Variants in LY96 observed in about 807,000 individuals in gnomAD.
LY96 encodes myeloid differentiation protein-2.
LY96 carries 18 observed loss-of-function variants against 18.9 expected under a neutral mutation model. That is an observed-to-expected ratio of 0.95 (90% CI 0.66 to 1.41). LY96 has a LOEUF of 1.41. Ranked by LOEUF, LY96 falls within the 40% of genes most tolerant of loss-of-function variation. LY96 has a pLI of 0.00. For synonymous variants in LY96, 66 were observed against 62.6 expected (o/e 1.06, Z -0.26); for missense variants, 175 against 182.4 (o/e 0.96, Z 0.23).
chr8:74,094,804 G>C, the LY96 span, among the ~76,000 whole-genome samples: 2 of 152,166 alleles, frequency 1.3e-5, no homozygotes, highest in African/African-American at 2.4e-5. Context: ...GGAATTTTAA[G>C]GCAGATTTTC....
intron 3 of LY96, among the ~76,000 whole-genome samples, chr8:74,026,465 A>G (rs1441238522): frequency 1.3e-5 from 2 of 152,170 alleles, no homozygotes; most frequent in African/African-American, 4.8e-5. Context: ...ATCTCTGAAA[A>G]CTAGTTTGCA....
In LY96 at chr8:74,026,937, T is replaced by C. The variant is rs1470347601; in HGVS notation, c.384+96T>C. The C allele has an allele frequency of 4.3e-6, 3 of 690,462 alleles. No individual in the cohort carries two copies. The Admixed American group carries it at 7.7e-5, about 18-fold the overall frequency. The allele number at this position is 690,462 out of a possible 1,614,324, so 42.8% of individuals were successfully genotyped here. A position where few individuals can be genotyped will look rare whatever the true frequency, so the allele number is the denominator to read the frequency against. ...GCAATTCACAACTTCTTCCTTTTTC[T>C]TTCTTTTTTTTTTTTAAATGGGATC... On this transcript the variant is annotated intron_variant, in intron 4 of 4. Coordinates refer to ENST00000284818, the MANE Select transcript of LY96 (RefSeq NM_015364.5).
In LY96 at chr8:74,002,000, T is replaced by C. The variant is rs1233669494; in HGVS notation, c.113-2796T>C. The stretch of plus-strand genomic sequence containing the variant: ...CTTCCCTCCCTCCCTCCCTCCTTTC[T>C]TCCTTTCTTCCTTCCTTCCTTCCTT... On this transcript the variant is annotated intron_variant, in intron 1 of 4. Transcript: ENST00000284818. 8.2e-3 allele frequency among the ~76,000 whole-genome samples: 278 copies of C among 33,720 alleles called. 6 individuals carry two copies. The highest frequency in any genetic ancestry group is 0.02 in the South Asian group (10 of 498). The allele number at this position is 33,720 out of a possible 152,430, so 22.1% of individuals were successfully genotyped here.
At chr8:74,002,573 C>CA (rs1816318325) in intron 1 of LY96, among the ~76,000 whole-genome samples, 2 of 131,426 alleles carry the variant, frequency 1.5e-5, no homozygotes, top group African/African-American at 5.5e-5. Flanking sequence ...TTATTTATTT[C>CA]TTTTTTTTTT....
intron 3 of LY96, among the ~76,000 whole-genome samples, chr8:74,022,912 C>G (rs905185992): frequency 6.6e-6 from 1 of 152,086 alleles, no homozygotes; most frequent in Non-Finnish European, 1.5e-5. Flanking sequence ...CTCATATCCT[C>G]AAGTCTCATC....
the LY96 span, among the ~76,000 whole-genome samples, chr8:74,098,898 G>A: frequency 6.6e-6 from 1 of 152,164 alleles, no homozygotes; most frequent in South Asian, 2.1e-4. Flanking sequence ...CACCCTAACA[G>A]TCTGAAAGGG....
intron 1 of LY96, among the ~76,000 whole-genome samples, chr8:73,996,377 C>CCTTCA (rs1816138242): frequency 2.0e-4 from 6 of 30,224 alleles, no homozygotes; most frequent in East Asian, 1.6e-3. Context: ...TCATTCCTTT[C>CCTTCA]TTTCTTTCTT....
At chr8:74,068,407 C>G in the LY96 span, among the ~76,000 whole-genome samples, 11 of 152,096 alleles carry the variant, frequency 7.2e-5, no homozygotes, top group Admixed American at 1.3e-4. Context: ...GGTTTTAGCT[C>G]TTATGAATAA....
At chr8:74,092,442 G>T in the LY96 span, among the ~76,000 whole-genome samples, 4 of 152,296 alleles carry the variant, frequency 2.6e-5, no homozygotes, top group South Asian at 8.3e-4. Context: ...GCCAGATTAT[G>T]CTCTTCTATA....
chr8:73,999,690 A>G (rs1468784968), intron 1 of LY96, among the ~76,000 whole-genome samples: 3 of 151,778 alleles, frequency 2.0e-5, no homozygotes, highest in African/African-American at 7.3e-5. Context: ...AAAATTTTTT[A>G]AAGTTTCTAA....
chr8:74,089,979 T>C, the LY96 span, among the ~76,000 whole-genome samples: 1 of 151,706 alleles, frequency 6.6e-6, no homozygotes, highest in African/African-American at 2.4e-5. Context: ...CCTGGGAGGA[T>C]GGAGAGAGGT....
intron 3 of LY96, among the ~76,000 whole-genome samples, chr8:74,020,326 C>T (rs1816732899): frequency 6.6e-6 from 1 of 152,098 alleles, no homozygotes; most frequent in South Asian, 2.1e-4. Flanking sequence ...ACAATTGCTA[C>T]AAAGAGAATA....
At chr8:74,002,572 T>C (rs1563711175) in intron 1 of LY96, among the ~76,000 whole-genome samples, 1 of 149,242 alleles carries the variant, frequency 6.7e-6, no homozygotes, top group Non-Finnish European at 1.5e-5. Flanking sequence ...TTTATTTATT[T>C]CTTTTTTTTT....
the LY96 span, among the ~76,000 whole-genome samples, chr8:74,067,333 G>C: frequency 1.1e-4 from 17 of 152,322 alleles, no homozygotes; most frequent in African/African-American, 4.1e-4. Flanking sequence ...CTGGGCTCAA[G>C]TGATACTTCC....
chr8:74,042,781 C>CT, the LY96 span, among the ~76,000 whole-genome samples: 3,708 of 142,828 alleles, frequency 0.026, 53 homozygotes, highest in Non-Finnish European at 0.037. Flanking sequence ...GTTTTGTTAC[C>CT]TTTTTTTTTT....
intron 3 of LY96, among the ~76,000 whole-genome samples, chr8:74,014,018 C>G (rs1298596394): frequency 6.6e-6 from 1 of 151,774 alleles, no homozygotes; most frequent in African/African-American, 2.4e-5. Context: ...CCAGGAGGCT[C>G]TGTGAGAGAC....
chr8:74,009,902 G>T lies in LY96; in HGVS notation c.203-99G>T, dbSNP rs979866528. 9 of 839,650 alleles carry T rather than the reference G, an allele frequency of 1.1e-5. No homozygotes were observed. In the South Asian group the frequency reaches 1.3e-4, roughly 12 times the overall value. 52.0% of individuals were successfully genotyped at this position (839,650 alleles called of 1,614,324 possible). ...GTGATGATTAAATGAAATAATGTAA[G>T]AAAAGCACAGGGCCCCTTTTAACTA... On this transcript the variant is annotated intron_variant, in intron 2 of 4. Transcript: ENST00000284818.
chr8:73,995,077 A>G (rs1203624614), intron 1 of LY96, among the ~76,000 whole-genome samples: 1 of 152,162 alleles, frequency 6.6e-6, no homozygotes, highest in Non-Finnish European at 1.5e-5. Flanking sequence ...AATTAATGTC[A>G]TTATTGAGGG....
the LY96 span, among the ~76,000 whole-genome samples, chr8:74,082,425 G>A: frequency 1.3e-5 from 2 of 152,144 alleles, no homozygotes; most frequent in Non-Finnish European, 2.9e-5. Flanking sequence ...CCAACTCATG[G>A]AGCCCTTGCC....
Sources: gnomAD v4.1 joint callset for allele counts (sites outside exome capture counted in the v4.1 genomes callset) on GRCh38, gnomAD v4.1.1 for gene constraint, MANE v1.5 for transcripts, NCBI Gene and HGNC (gene_info 2026-07-23, HGNC 2026-07-21) for gene names.